The following KCNN2 variants were observed in gnomAD, a reference collection of about 807,000 sequenced individuals.
KCNN2 encodes the protein small conductance calcium-activated potassium channel protein 2.
In KCNN2, 24 loss-of-function variants were observed where a neutral mutation model predicts 55.5. The ratio of observed to expected loss-of-function variants is 0.43; its 90% CI spans 0.31 to 0.61. KCNN2 has a LOEUF of 0.61. Ranked by LOEUF, KCNN2 falls within the 20% of genes least tolerant of loss-of-function variation. KCNN2 has a pLI of 0.08. For synonymous variants in KCNN2, 431 were observed against 336.1 expected (o/e 1.28, Z -3.09); for missense variants, 754 against 853.6 (o/e 0.88, Z 1.45).
At chr5:114,102,199 T>C (rs1288604395) in intron 1 of KCNN2, among the ~76,000 whole-genome samples, 1 of 152,228 alleles carries the variant, frequency 6.6e-6, no homozygotes, top group Admixed American at 6.5e-5. Flanking sequence ...ATGAGCTTTT[T>C]TTCATGTGTC....
intron 1 of KCNN2, among the ~76,000 whole-genome samples, chr5:114,153,158 GC>G (rs1561498077): frequency 6.6e-6 from 1 of 152,152 alleles, no homozygotes; most frequent in East Asian, 1.9e-4. Context: ...AAGCCAGTGG[GC>G]AATTAGATAT....
At chr5:114,251,460 T>G (rs1754858796) in intron 2 of KCNN2, among the ~76,000 whole-genome samples, 1 of 152,210 alleles carries the variant, frequency 6.6e-6, no homozygotes, top group Admixed American at 6.5e-5. Flanking sequence ...CTTTGCAAAG[T>G]TGTTTTAAGG....
intron 1 of KCNN2, among the ~76,000 whole-genome samples, chr5:114,126,595 A>G (rs1029144428): frequency 5.3e-5 from 8 of 152,298 alleles, no homozygotes; most frequent in African/African-American, 1.9e-4. Flanking sequence ...AAGATGAATT[A>G]TGGGTGGGGA....
chr5:114,424,217 CACTTATAACATTTTA>C (rs1268457363), intron 3 of KCNN2, among the ~76,000 whole-genome samples: 1 of 152,154 alleles, frequency 6.6e-6, no homozygotes, highest in African/African-American at 2.4e-5. Context: ...AAAAACCAAA[CACTTATAACATTTTA>C]ATTTGACACT....
At chr5:114,060,032 CT>C (rs1348989206) in intron 1 of KCNN2, among the ~76,000 whole-genome samples, 3 of 152,242 alleles carry the variant, frequency 2.0e-5, no homozygotes, top group Non-Finnish European at 4.4e-5. Context: ...GAAACAGTCC[CT>C]AACAGCCCTA....
At chr5:114,487,880 G>A (rs939548466) in intron 6 of KCNN2, among the ~76,000 whole-genome samples, 1 of 152,126 alleles carries the variant, frequency 6.6e-6, no homozygotes, top group Non-Finnish European at 1.5e-5. Flanking sequence ...TCTATATGGA[G>A]AAGAGCAGAT....
intron 2 of KCNN2, among the ~76,000 whole-genome samples, chr5:114,260,619 A>G (rs891837485): frequency 2.6e-5 from 4 of 152,342 alleles, no homozygotes; most frequent in East Asian, 1.9e-4. Context: ...GCATAAAACA[A>G]TATGAATAAG....
intron 2 of KCNN2, among the ~76,000 whole-genome samples, chr5:114,268,970 G>A (rs1755264600): frequency 6.6e-6 from 1 of 151,946 alleles, no homozygotes; most frequent in South Asian, 2.1e-4. Flanking sequence ...GATCCTGAGA[G>A]AATGGAAGGT....
At chr5:114,265,540 C>G (rs1755193355) in intron 2 of KCNN2, among the ~76,000 whole-genome samples, 1 of 152,068 alleles carries the variant, frequency 6.6e-6, no homozygotes, top group Non-Finnish European at 1.5e-5. Flanking sequence ...ATCAAAAAGC[C>G]AAGAAAGACC....
At chr5:114,453,577 G>A (rs1172192096) in intron 3 of KCNN2, among the ~76,000 whole-genome samples, 1 of 152,094 alleles carries the variant, frequency 6.6e-6, no homozygotes, top group African/African-American at 2.4e-5. Flanking sequence ...AGAAATAGAA[G>A]AACACTATTT....
chr5:114,353,435 G>A (rs1378143564), intron 2 of KCNN2, among the ~76,000 whole-genome samples: 1 of 151,752 alleles, frequency 6.6e-6, no homozygotes, highest in Non-Finnish European at 1.5e-5. Flanking sequence ...AGACCAAGCA[G>A]TATAATTATA....
chr5:114,348,282 GGA>G (rs1242836377), intron 2 of KCNN2, among the ~76,000 whole-genome samples: 1 of 137,984 alleles, frequency 7.2e-6, no homozygotes, highest in Admixed American at 7.7e-5. Flanking sequence ...ATTACGAGGG[GGA>G]GGGGGGAGGG....
upstream of KCNN2, among the ~76,000 whole-genome samples, chr5:114,361,516 G>A (rs1306747292): frequency 6.6e-6 from 1 of 152,206 alleles, no homozygotes; most frequent in Non-Finnish European, 1.5e-5. Context: ...TACTTGGCGG[G>A]CAGCCGGCAG....
At chr5:114,494,186 G>A (rs1747999182) in intron 7 of KCNN2, among the ~76,000 whole-genome samples, 1 of 151,622 alleles carries the variant, frequency 6.6e-6, no homozygotes, top group South Asian at 2.1e-4. Context: ...TATTAGAATA[G>A]CATTTATATA....
intron 6 of KCNN2, among the ~76,000 whole-genome samples, chr5:114,492,769 A>G (rs191437919): frequency 7.0e-4 from 107 of 152,252 alleles, no homozygotes; most frequent in African/African-American, 2.2e-3. Flanking sequence ...TTCCTAGGAA[A>G]TGGTCTGGCC....
At chr5:114,320,870 C>G (rs1250702964) in intron 2 of KCNN2, among the ~76,000 whole-genome samples, 1 of 152,072 alleles carries the variant, frequency 6.6e-6, no homozygotes, top group Non-Finnish European at 1.5e-5. Context: ...TGTCAAGTAT[C>G]CTGTCATGGA....
chr5:114,281,270 T>C (rs977345990), intron 2 of KCNN2, among the ~76,000 whole-genome samples: 1 of 152,184 alleles, frequency 6.6e-6, no homozygotes, highest in Non-Finnish European at 1.5e-5. Context: ...TTATCCCTGA[T>C]GAATATGTCA....
intron 1 of KCNN2, among the ~76,000 whole-genome samples, chr5:114,116,307 A>T (rs1163025861): frequency 1.3e-5 from 2 of 152,172 alleles, no homozygotes; most frequent in African/African-American, 4.8e-5. Flanking sequence ...AGGCAAAGGG[A>T]GAATTTTTAA....
intron 1 of KCNN2, among the ~76,000 whole-genome samples, chr5:114,136,971 G>A (rs185224214): frequency 6.6e-6 from 1 of 152,238 alleles, no homozygotes; most frequent in Admixed American, 6.5e-5. Context: ...GTTTGACTCA[G>A]GGAGCCTGAG....
Sources: allele counts gnomAD v4.1 joint callset (sites outside exome capture counted in the v4.1 genomes callset), GRCh38; gene constraint gnomAD v4.1.1; transcripts MANE v1.5; gene names NCBI Gene and HGNC (gene_info 2026-07-23, HGNC 2026-07-21).